Variants in CCDC171 observed in about 807,000 individuals in gnomAD.
CCDC171 encodes the protein coiled-coil domain containing 171.
In CCDC171, 177 loss-of-function variants were observed where a neutral mutation model predicts 168.2. The ratio of observed to expected loss-of-function variants is 1.05; its 90% CI spans 0.93 to 1.19. CCDC171 has a LOEUF of 1.19. Ranked by LOEUF, CCDC171 falls within the 50% of genes most tolerant of loss-of-function variation. The pLI, the probability that CCDC171 is intolerant of heterozygous loss-of-function variation, is 0.00. For missense variants in CCDC171, 1,991 were observed against 1,539.0 expected (o/e 1.29, Z -4.91); for synonymous variants, 687 against 540.8 (o/e 1.27, Z -3.75).
downstream of CCDC171, among the ~76,000 whole-genome samples, chr9:15,975,332 C>G (rs1217641871): frequency 6.6e-6 from 1 of 152,082 alleles, no homozygotes; most frequent in African/African-American, 2.4e-5. Context: ...TGAAACACTG[C>G]TAGTCCTGCC....
At chr9:15,611,440 C>G (rs536493474) in intron 6 of CCDC171, among the ~76,000 whole-genome samples, 1 of 152,230 alleles carries the variant, frequency 6.6e-6, no homozygotes, top group Non-Finnish European at 1.5e-5. Flanking sequence ...GGAGCCCTTG[C>G]ATTGAATTAG....
At chr9:15,648,301 A>G (rs1219212899) in intron 7 of CCDC171, among the ~76,000 whole-genome samples, 6 of 152,140 alleles carry the variant, frequency 3.9e-5, no homozygotes, top group South Asian at 2.1e-4. Flanking sequence ...ATACTGAATG[A>G]GCAAAAACTG....
intron 18 of CCDC171, among the ~76,000 whole-genome samples, chr9:15,773,601 T>C (rs2057127457): frequency 6.6e-6 from 1 of 152,192 alleles, no homozygotes; most frequent in African/African-American, 2.4e-5. Context: ...AAGCCAAACA[T>C]TTACAACAGT....
chr9:15,980,161 T>C (rs577001234), intron 3 of CCDC171, among the ~76,000 whole-genome samples: 2 of 152,312 alleles, frequency 1.3e-5, no homozygotes, highest in South Asian at 2.1e-4. Flanking sequence ...CATCTAATGT[T>C]TTCTGGAAAT....
At chr9:15,596,582 G>A (rs1464408739) in intron 6 of CCDC171, among the ~76,000 whole-genome samples, 1 of 151,992 alleles carries the variant, frequency 6.6e-6, no homozygotes, top group Non-Finnish European at 1.5e-5. Context: ...GTAGCGTGAT[G>A]CCTCCAGCTT....
chr9:15,955,847 CGTGT>C (rs1829748149), intron 25 of CCDC171, among the ~76,000 whole-genome samples: 2 of 151,804 alleles, frequency 1.3e-5, no homozygotes, highest in Non-Finnish European at 2.9e-5. Flanking sequence ...AGGAAACAGA[CGTGT>C]GTGTATGTGT....
rs1277207382 is a variant in CCDC171 at position 15,580,787 on chromosome 9, T to C, written c.352+1764T>C. Among the ~76,000 whole-genome samples the C allele has an allele frequency of 2.6e-5, 4 of 152,140 alleles. No homozygotes were observed. In the East Asian group the frequency reaches 7.7e-4, roughly 29 times the overall value. On this transcript the variant is annotated intron_variant, in intron 4 of 25. Transcript: ENST00000380701. Reference sequence around the variant, plus strand: ...CACTTTTACACTGCTGGTGGGAATGTAAATTAGTACAATCACTATGGACAA... The same window carrying C: ...CACTTTTACACTGCTGGTGGGAATGCAAATTAGTACAATCACTATGGACAA...
chr9:15,861,276 T>G (rs934580975), intron 23 of CCDC171, among the ~76,000 whole-genome samples: 3 of 151,782 alleles, frequency 2.0e-5, no homozygotes, highest in Non-Finnish European at 4.4e-5. Context: ...TTATATCTAT[T>G]TATTTATCAG....
intron 17 of CCDC171, among the ~76,000 whole-genome samples, chr9:15,745,256 T>A (rs575605693): frequency 1.3e-5 from 2 of 152,240 alleles, no homozygotes. Flanking sequence ...CAATTTGTTT[T>A]AATTTTTAAA....
At position 15,914,863 on chromosome 9, in the gene CCDC171, G is replaced by A. The variant is rs188055732; in HGVS notation, c.3601-5407G>A. ...TGTGCCGGATAGCACCATCCCTCAC[G>A]TCAGGGTCCCTCATGGCTTCCCTTG... On this transcript the variant is annotated intron_variant, in intron 24 of 25. Coordinates refer to ENST00000380701, the MANE Select transcript of CCDC171 (RefSeq NM_173550.4). Among the ~76,000 whole-genome samples, 64 of 152,192 alleles carry A rather than the reference G, an allele frequency of 4.2e-4. No homozygotes were observed. In the East Asian group the frequency reaches 8.7e-3, roughly 21 times the overall value.
At chr9:15,689,581 C>T (rs983745418) in intron 10 of CCDC171, among the ~76,000 whole-genome samples, 16 of 152,048 alleles carry the variant, frequency 1.1e-4, no homozygotes, top group East Asian at 3.9e-4. Flanking sequence ...TGTGATGGCG[C>T]GTATCTGTAG....
At chr9:15,859,207 T>TGAAC (rs1479939155) in intron 23 of CCDC171, among the ~76,000 whole-genome samples, 1 of 152,098 alleles carries the variant, frequency 6.6e-6, no homozygotes, top group Non-Finnish European at 1.5e-5. Flanking sequence ...TTTTGTATCT[T>TGAAC]GAACCATTCT....
intron 25 of CCDC171, among the ~76,000 whole-genome samples, chr9:15,964,575 A>G (rs1348277607): frequency 6.6e-6 from 1 of 152,116 alleles, no homozygotes; most frequent in Non-Finnish European, 1.5e-5. Flanking sequence ...GCACAAGGGT[A>G]TGAAGAACAC....
At chr9:16,066,407 T>C (rs2133093090), downstream of CCDC171, among the ~76,000 whole-genome samples, 1 of 152,174 alleles carries the variant, frequency 6.6e-6, no homozygotes, top group Non-Finnish European at 1.5e-5. Flanking sequence ...TCCCCTGTCA[T>C]GCCACCTATA....
chr9:15,884,282 C>T (rs943336012), intron 24 of CCDC171, among the ~76,000 whole-genome samples: 1 of 151,666 alleles, frequency 6.6e-6, no homozygotes, highest in African/African-American at 2.4e-5. Flanking sequence ...GATCCTATAA[C>T]ATGTATGAAA....
At chr9:15,927,659 T>C (rs1378086640) in intron 25 of CCDC171, among the ~76,000 whole-genome samples, 2 of 151,702 alleles carry the variant, frequency 1.3e-5, no homozygotes, top group Non-Finnish European at 3.0e-5. Flanking sequence ...TCAGATTTGA[T>C]ACTTGTCAGG....
rs770880939 is a variant in CCDC171, at chr9:15,779,001, G to A, written c.2932G>A (p.Gly978Arg). The A allele has an allele frequency of 3.9e-6, 6 of 1,545,800 alleles. No individual in the cohort carries two copies. The highest frequency in any genetic ancestry group is 5.2e-6 in the Non-Finnish European group (6 of 1,148,886). Residue 978 changes from glycine (G) to arginine (R), a missense_variant, in exon 20 of 26, where the codon GGA becomes AGA. By Grantham distance (125) the Gly-to-Arg change is moderately radical. Coordinates refer to ENST00000380701, the MANE Select transcript of CCDC171 (RefSeq NM_173550.4). ...AGCATCGTTGCAGAAGCAAATACTT[G>A]GATTTACACAAAGACTGCATGCTGC... ...STASLQKQIL[G>R]FTQRLHAAEV...
At chr9:15,737,933 T>C (rs981240020) in intron 16 of CCDC171, among the ~76,000 whole-genome samples, 1 of 152,210 alleles carries the variant, frequency 6.6e-6, no homozygotes, top group Non-Finnish European at 1.5e-5. Flanking sequence ...CCAATTTCCC[T>C]ACAAAGTGTC....
At chr9:16,085,131 G>A in the CCDC171 span, among the ~76,000 whole-genome samples, 104 of 152,308 alleles carry the variant, frequency 6.8e-4, no homozygotes, top group African/African-American at 2.3e-3. Context: ...CCTGTGCCAG[G>A]CAGGGGAAAT....
Sources: allele counts gnomAD v4.1 joint callset (sites outside exome capture counted in the v4.1 genomes callset), GRCh38; gene constraint gnomAD v4.1.1; transcripts MANE v1.5; gene names NCBI Gene and HGNC (gene_info 2026-07-23, HGNC 2026-07-21).